Variants in KLHL36 observed in about 807,000 individuals in gnomAD.
The protein encoded by KLHL36 is kelch-like protein 36.
A neutral mutation model predicts 53.3 loss-of-function variants in KLHL36; 35 were observed. The observed-to-expected ratio is 0.66, with a 90% confidence interval of 0.50 to 0.87. The LOEUF is 0.87. Ranked by LOEUF, KLHL36 falls within the 40% of genes least tolerant of loss-of-function variation. The pLI is 0.00. For missense variants in KLHL36, 864 were observed against 897.6 expected (o/e 0.96, Z 0.48); for synonymous variants, 472 against 398.9 (o/e 1.18, Z -2.18).
intron 2 of KLHL36, among the ~76,000 whole-genome samples, chr16:84,654,838 G>C (rs1957745028): frequency 6.6e-6 from 1 of 152,256 alleles, no homozygotes; most frequent in African/African-American, 2.4e-5. Context: ...TCGAACTCCT[G>C]ACCTCAGGTG....
intron 2 of KLHL36, among the ~76,000 whole-genome samples, chr16:84,654,873 G>T (rs1218371324): frequency 6.6e-6 from 1 of 152,180 alleles, no homozygotes; most frequent in Non-Finnish European, 1.5e-5. Flanking sequence ...GCCTCCCAAA[G>T]TACTGGGATT....
rs1325132511 is a variant in KLHL36, at chr16:84,650,935, G to GT, written c.63+6dup. 3.7e-6 allele frequency: 6 copies of GT among 1,608,236 alleles called. No homozygotes were observed. The highest frequency in any genetic ancestry group is 1.7e-5 in the Admixed American group (1 of 58,586). On this transcript the variant is annotated splice_donor_region_variant and intron_variant, in intron 2 of 4. Transcript: ENST00000564996. ...AAGATCAGCGAATCATCAAAGGTCT[G>GT]TGAATGTTCACTCACCACCTATGCA...
intron 2 of KLHL36, among the ~76,000 whole-genome samples, chr16:84,655,396 T>C (rs1471477953): frequency 6.6e-6 from 1 of 152,170 alleles, no homozygotes; most frequent in African/African-American, 2.4e-5. Context: ...CTGGGCAGTT[T>C]AGGGAGACGT....
At chr16:84,658,078 C>T (rs184173153) in intron 3 of KLHL36, 134 bp downstream of exon 3, 85 of 710,464 alleles carry the variant, frequency 1.2e-4, no homozygotes, top group South Asian at 2.0e-4. Context: ...GATAAAGTGA[C>T]GAGCAGAATA....
intron 2 of KLHL36, among the ~76,000 whole-genome samples, chr16:84,653,027 G>C (rs1265012175): frequency 6.6e-6 from 1 of 152,072 alleles, no homozygotes; most frequent in African/African-American, 2.4e-5. Context: ...GACCAGCTTG[G>C]ACAACACGGC....
intron 2 of KLHL36, among the ~76,000 whole-genome samples, chr16:84,652,205 C>T (rs1014977024): frequency 6.6e-6 from 1 of 152,116 alleles, no homozygotes; most frequent in Admixed American, 6.5e-5. Context: ...TGCCAGGACC[C>T]TGAGTTTGTT....
rs1236619916 is a variant in KLHL36 at position 84,657,672 on chromosome 16, G to A, written c.865G>A (p.Ala289Thr). 1 of 1,612,594 alleles carries A rather than the reference G, an allele frequency of 6.2e-7. No homozygotes were observed. ...AQPVMQTKRT[A>T]LRTNQERLLF... ...GCCCGTCATGCAGACCAAGCGCACG[G>A]CGCTGCGCACCAACCAGGAGCGCCT... Residue 289 changes from alanine (A) to threonine (T), a missense_variant, in exon 3 of 5, where the codon GCG becomes ACG. Coordinates refer to ENST00000564996, the MANE Select transcript of KLHL36 (RefSeq NM_024731.4).
Position 84,661,687 on chromosome 16 carries a change from C to G in KLHL36, c.1405C>G (p.Arg469Gly). 2.5e-6 allele frequency: 4 copies of G among 1,613,686 alleles called. No homozygotes were observed. The highest frequency in any genetic ancestry group is 3.4e-6 in the Non-Finnish European group (4 of 1,180,000). The change falls in exon 5 of 5, where the codon CGG (arginine) becomes GGG (glycine). Residue 469 changes from arginine to glycine, a missense_variant. Coordinates refer to ENST00000564996, the MANE Select transcript of KLHL36 (RefSeq NM_024731.4). The surrounding 1 kb of genome is among the most constrained non-coding windows in gnomAD (Gnocchi z 7.9). ...YRKNLLCYDH[R>G]TDVWEERRPM... ...CAAGAACCTGCTATGCTACGACCAC[C>G]GGACAGACGTGTGGGAGGAGCGGCG... is the stretch of plus-strand genomic sequence containing the variant.
rs1389523081 is a variant in KLHL36, at chr16:84,662,806, C to G, written c.*673C>G. 1 of 152,234 alleles carries G rather than the reference C, an allele frequency of 6.6e-6. No homozygotes were observed. The highest frequency in any genetic ancestry group is 1.5e-5 in the Non-Finnish European group (1 of 68,052). The allele number at this position is 152,234 out of a possible 1,614,324, so 9.4% of individuals were successfully genotyped here. ...GATGACTTCCCGCTGGGGAGCTGTT[C>G]TCCGTATCAGGTGAACGCTGTTTCT... On this transcript the variant is annotated 3_prime_UTR_variant, in exon 5 of 5. Transcript: ENST00000564996.
rs1001249811 is a variant in KLHL36, at chr16:84,666,142, T to A, written c.*4009T>A. The A allele has an allele frequency of 6.6e-6, 1 of 152,258 alleles. No individual in the cohort carries two copies. The highest frequency in any genetic ancestry group is 2.4e-5 in the African/African-American group (1 of 41,462). The allele number at this position is 152,258 out of a possible 1,614,324, so 9.4% of individuals were successfully genotyped here. A position where few individuals can be genotyped will look rare whatever the true frequency, so the allele number is the denominator to read the frequency against. ...GCACTTGGAGACCCTGTCCTGCGCA[T>A]CTGCCAAGCCTGGCAGTTTTTAGAG... On this transcript the variant is annotated 3_prime_UTR_variant, in exon 5 of 5. Transcript: ENST00000564996.
rs1907603566 is a variant in KLHL36 at position 84,662,220 on chromosome 16, TTATG to T, written c.*90_*93del. On this transcript the variant is annotated 3_prime_UTR_variant, in exon 5 of 5. Transcript: ENST00000564996. The stretch of plus-strand genomic sequence containing the variant: ...GCAACTTCTTAGTATTCCGGAAACA[TTATG>T]TACAACTTAGCAGCTTTTTTTACTT... 1 of 1,217,536 alleles carries T rather than the reference TTATG, an allele frequency of 8.2e-7. No homozygotes were observed. Among genetic ancestry groups the T allele is most frequent in the Admixed American group, 2.9e-5 (1 of 34,738 alleles). 75.4% of individuals were successfully genotyped at this position (1,217,536 alleles called of 1,614,324 possible).
At chr16:84,650,212 T>G (rs554754356) in intron 1 of KLHL36, among the ~76,000 whole-genome samples, 234 of 152,304 alleles carry the variant, frequency 1.5e-3, no homozygotes, top group Non-Finnish European at 2.5e-3. Context: ...AGAGAAGCAC[T>G]TGGGGACAGT....
rs1221728734 is a variant in KLHL36, at chr16:84,662,112, G to C, written c.1830G>C (p.Arg610Ser). The part of the protein sequence containing the change: ...EDKKKKGKGK[R>S]HQDRGQ ...AGAAGAAGAAAGGCAAAGGCAAGAG[G>C]CACCAGGACCGGGGCCAGTGACCCT... Residue 610 changes from arginine (R) to serine (S), a missense_variant, in exon 5 of 5, where the codon AGG (arginine) becomes AGC (serine). Coordinates refer to ENST00000564996, the MANE Select transcript of KLHL36 (RefSeq NM_024731.4). The C allele has an allele frequency of 6.4e-7, 1 of 1,555,100 alleles. No homozygotes were observed. Among genetic ancestry groups the C allele is most frequent in the African/African-American group, 1.3e-5 (1 of 74,400 alleles).
At chr16:84,650,988 C>T in intron 2 of KLHL36, 58 bp downstream of exon 2, 12 of 1,359,762 alleles carry the variant, frequency 8.8e-6, no homozygotes, top group Non-Finnish European at 1.2e-5. Context: ...GATCCTTTTT[C>T]TGATTCACTC....
Position 84,664,548 on chromosome 16 carries a change from T to C in KLHL36, c.*2415T>C, listed in dbSNP as rs976921121. 1.3e-5 allele frequency: 2 copies of C among 152,226 alleles called. No individual in the cohort carries two copies. Among genetic ancestry groups the C allele is most frequent in the Non-Finnish European group, 2.9e-5 (2 of 68,044 alleles). The allele number at this position is 152,226 out of a possible 1,614,324, so 9.4% of individuals were successfully genotyped here. A position where few individuals can be genotyped will look rare whatever the true frequency, so the allele number is the denominator to read the frequency against. ...TTTTGTGGTGTCTCTCCTGATACTATGAAGGTGGTTTGTAATTGACATGGC... is the reference window on the plus strand; with the variant it reads ...TTTTGTGGTGTCTCTCCTGATACTACGAAGGTGGTTTGTAATTGACATGGC... On this transcript the variant is annotated 3_prime_UTR_variant, in exon 5 of 5. Coordinates refer to ENST00000564996, the MANE Select transcript of KLHL36 (RefSeq NM_024731.4).
chr16:84,656,822 A>T, intron 2 of KLHL36, 49 bp from the exon 3 acceptor site: 4 of 1,446,574 alleles, frequency 2.8e-6, no homozygotes, highest in Non-Finnish European at 3.8e-6. Context: ...GGGTTGGACC[A>T]GGGCCGAGCA....
In KLHL36 at chr16:84,650,944, C is replaced by A; in HGVS notation, c.63+14C>A. 1.9e-6 allele frequency: 3 copies of A among 1,596,854 alleles called. No homozygotes were observed. The highest frequency in any genetic ancestry group is 1.1e-5 in the South Asian group (1 of 88,670). The stretch of plus-strand genomic sequence containing the variant: ...GAATCATCAAAGGTCTGTGAATGTT[C>A]ACTCACCACCTATGCAAATTGCCTA... On this transcript the variant is annotated intron_variant, in intron 2 of 4. Coordinates refer to ENST00000564996, the MANE Select transcript of KLHL36 (RefSeq NM_024731.4).
In KLHL36 at chr16:84,662,198, A is replaced by G; in HGVS notation, c.*65A>G. Reference sequence around the variant, plus strand: ...CCCAGGGCTCTGTAGACCAGCAGCAACTTCTTAGTATTCCGGAAACATTAT... The same window carrying G: ...CCCAGGGCTCTGTAGACCAGCAGCAGCTTCTTAGTATTCCGGAAACATTAT... On this transcript the variant is annotated 3_prime_UTR_variant, in exon 5 of 5. Transcript: ENST00000564996. 1.5e-6 allele frequency: 2 copies of G among 1,345,254 alleles called. No homozygotes were observed. The highest frequency in any genetic ancestry group is 2.0e-6 in the Non-Finnish European group (2 of 1,013,830). The allele number at this position is 1,345,254 out of a possible 1,614,324, so 83.3% of individuals were successfully genotyped here.
chr16:84,650,382 G>A (rs1008316347), intron 1 of KLHL36, among the ~76,000 whole-genome samples: 8 of 152,172 alleles, frequency 5.3e-5, no homozygotes, highest in African/African-American at 9.7e-5. Flanking sequence ...ACCGAGGCGT[G>A]ATTCTCGGCC....
Sources: allele counts gnomAD v4.1 joint callset (sites outside exome capture counted in the v4.1 genomes callset), GRCh38; gene constraint gnomAD v4.1.1; non-coding constraint Gnocchi (gnomAD v3.1); transcripts MANE v1.5; gene names NCBI Gene and HGNC (gene_info 2026-07-23, HGNC 2026-07-21).